The following HS2ST1 variants were observed in gnomAD, a reference collection of about 807,000 sequenced individuals.
HS2ST1 encodes 2-O-sulfotransferase.
In HS2ST1, 18 loss-of-function variants were observed where a neutral mutation model predicts 42.9. The observed-to-expected ratio is 0.42, with a 90% CI of 0.29 to 0.62. HS2ST1 has a LOEUF of 0.62. Ranked by LOEUF, HS2ST1 falls within the 20% of genes least tolerant of loss-of-function variation. HS2ST1 has a pLI of 0.21. For missense variants in HS2ST1, 334 were observed against 433.8 expected (o/e 0.77, Z 2.04); for synonymous variants, 146 against 152.9 (o/e 0.95, Z 0.33).
chr1:86,929,585 A>G (rs1206511475), intron 1 of HS2ST1, among the ~76,000 whole-genome samples: 6 of 151,878 alleles, frequency 4.0e-5, no homozygotes. Flanking sequence ...ATAGATTTAT[A>G]AAATGCAAAT....
At chr1:86,918,665 TA>T (rs895456866) in intron 1 of HS2ST1, among the ~76,000 whole-genome samples, 26 of 152,060 alleles carry the variant, frequency 1.7e-4, no homozygotes, top group African/African-American at 5.1e-4. Flanking sequence ...TTAACAGATT[TA>T]AAAATCTACT....
chr1:86,981,785 G>C (rs577889160), intron 1 of HS2ST1, among the ~76,000 whole-genome samples: 1 of 152,364 alleles, frequency 6.6e-6, no homozygotes, highest in Non-Finnish European at 1.5e-5. Context: ...CAGGTACCCA[G>C]TGCAAGCTAT....
chr1:87,047,642 G>C (rs532280237), intron 1 of HS2ST1, among the ~76,000 whole-genome samples: 1 of 152,248 alleles, frequency 6.6e-6, no homozygotes, highest in Non-Finnish European at 1.5e-5. Flanking sequence ...CTATCCAGTT[G>C]TTCCCATACT....
In HS2ST1 at chr1:87,096,735, G is replaced by C. The variant is rs969936838; in HGVS notation, c.589-1103G>C. On this transcript the variant is annotated intron_variant, in intron 4 of 6. Transcript: ENST00000370550. ...CTTCAAACATTGCCAAATATCACCT[G>C]AGGGTCAGAATAGCTTCCAGCTGAG... Among the ~76,000 whole-genome samples, 10 of 152,288 alleles carry C rather than the reference G, an allele frequency of 6.6e-5. No homozygotes were observed. The South Asian group carries it at 2.1e-3, about 32-fold the overall frequency.
At chr1:86,933,812 G>A (rs1453829312) in intron 1 of HS2ST1, among the ~76,000 whole-genome samples, 1 of 151,710 alleles carries the variant, frequency 6.6e-6, no homozygotes, top group African/African-American at 2.4e-5. Context: ...TAGGAGTTAG[G>A]CTGTGTTTAC....
chr1:87,066,239 G>T (rs567744851), intron 1 of HS2ST1, among the ~76,000 whole-genome samples: 1 of 152,178 alleles, frequency 6.6e-6, no homozygotes, highest in East Asian at 1.9e-4. Context: ...AATCTGACAC[G>T]TGGAAAAGCA....
At chr1:87,030,098 A>T (rs1163301661) in intron 1 of HS2ST1, among the ~76,000 whole-genome samples, 1 of 152,208 alleles carries the variant, frequency 6.6e-6, no homozygotes, top group Non-Finnish European at 1.5e-5. Flanking sequence ...GCTAAAAAAA[A>T]TTACACAGCC....
intron 1 of HS2ST1, among the ~76,000 whole-genome samples, chr1:86,951,539 T>TAA (rs10716207): frequency 3.9e-5 from 6 of 152,024 alleles, no homozygotes; most frequent in South Asian, 4.1e-4. Context: ...ACTTTATTGC[T>TAA]AAAAAAAATG....
chr1:87,052,441 A>C lies in HS2ST1; in HGVS notation c.125-20493A>C, dbSNP rs147732097. 4.6e-3 allele frequency among the ~76,000 whole-genome samples: 705 copies of C among 152,328 alleles called. 4 individuals carry two copies. The highest frequency in any genetic ancestry group is 0.02 in the Middle Eastern group (6 of 294). On this transcript the variant is annotated intron_variant, in intron 1 of 6. Transcript: ENST00000370550. ...GTTCTTGAATTCTTGGTTGTACCCC[A>C]AAAATGGTTTCAGTTTAAAAGGGTG...
Position 87,107,567 on chromosome 1 carries a change from T to G in HS2ST1, c.*2871T>G, listed in dbSNP as rs1652354682. 1 of 151,830 alleles carries G rather than the reference T, an allele frequency of 6.6e-6. No homozygotes were observed. The highest frequency in any genetic ancestry group is 6.6e-5 in the Admixed American group (1 of 15,220). 9.4% of individuals were successfully genotyped at this position (151,830 alleles called of 1,614,324 possible). A position where few individuals can be genotyped will look rare whatever the true frequency, so the allele number is the denominator to read the frequency against. Reference sequence around the variant, plus strand: ...TTTCAGTATTTTGACCATAGGGAGATAATTTTTTTATAATACAAAAGTAAC... The same window carrying G: ...TTTCAGTATTTTGACCATAGGGAGAGAATTTTTTTATAATACAAAAGTAAC... On this transcript the variant is annotated 3_prime_UTR_variant, in exon 7 of 7. Coordinates refer to ENST00000370550, the MANE Select transcript of HS2ST1 (RefSeq NM_012262.4).
intron 1 of HS2ST1, among the ~76,000 whole-genome samples, chr1:86,995,258 A>C (rs2100563965): frequency 6.6e-6 from 1 of 152,318 alleles, no homozygotes; most frequent in East Asian, 1.9e-4. Context: ...AGTCTAATGT[A>C]AGCTATTTAC....
chr1:87,047,654 TTTG>T lies in HS2ST1; in HGVS notation c.125-25276_125-25274del, dbSNP rs1650719770. On this transcript the variant is annotated intron_variant, in intron 1 of 6. Transcript: ENST00000370550. ...TGGCTATCCAGTTGTTCCCATACTA[TTTG>T]TTGAAGAGGTGATCATTTTCTTCAT... Among the ~76,000 whole-genome samples, 5 of 152,206 alleles carry T rather than the reference TTTG, an allele frequency of 3.3e-5. 1 individual carries two copies. In the South Asian group the frequency reaches 1.0e-3, roughly 32 times the overall value.
At chr1:87,065,264 A>G (rs1239724937) in intron 1 of HS2ST1, among the ~76,000 whole-genome samples, 1 of 152,210 alleles carries the variant, frequency 6.6e-6, no homozygotes, top group African/African-American at 2.4e-5. Context: ...GAAAATGCAA[A>G]GGATCCAATT....
intron 1 of HS2ST1, among the ~76,000 whole-genome samples, chr1:86,983,753 T>A (rs1323337991): frequency 6.8e-5 from 10 of 146,814 alleles, no homozygotes; most frequent in Non-Finnish European, 1.1e-4. Context: ...AAAAAAAAAA[T>A]TTGGCAAGGC....
chr1:86,924,085 G>A (rs1660361121), intron 1 of HS2ST1, among the ~76,000 whole-genome samples: 1 of 152,224 alleles, frequency 6.6e-6, no homozygotes, highest in Non-Finnish European at 1.5e-5. Flanking sequence ...GCCATTCCAA[G>A]TGGGAGAAAT....
chr1:86,959,398 C>G (rs1239465264), intron 1 of HS2ST1, among the ~76,000 whole-genome samples: 1 of 152,240 alleles, frequency 6.6e-6, no homozygotes, highest in Non-Finnish European at 1.5e-5. Context: ...TGGCTCACGC[C>G]TGTAATCCCA....
chr1:87,053,472 C>T (rs543692124), intron 1 of HS2ST1, among the ~76,000 whole-genome samples: 1 of 152,076 alleles, frequency 6.6e-6, no homozygotes, highest in Non-Finnish European at 1.5e-5. Context: ...CCAGTATGTG[C>T]ATTAAAAATT....
intron 1 of HS2ST1, among the ~76,000 whole-genome samples, chr1:86,967,524 C>T (rs1254864896): frequency 6.6e-6 from 1 of 152,158 alleles, no homozygotes; most frequent in Non-Finnish European, 1.5e-5. Context: ...AATGTAGCTC[C>T]TACTTATAAG....
intron 1 of HS2ST1, among the ~76,000 whole-genome samples, chr1:86,953,415 C>G (rs1214530064): frequency 6.6e-6 from 1 of 152,202 alleles, no homozygotes; most frequent in Non-Finnish European, 1.5e-5. Flanking sequence ...CTCTTTGGCA[C>G]AAGAGTCCTA....
Sources: allele counts gnomAD v4.1 joint callset (sites outside exome capture counted in the v4.1 genomes callset), GRCh38; gene constraint gnomAD v4.1.1; transcripts MANE v1.5; gene names NCBI Gene and HGNC (gene_info 2026-07-23, HGNC 2026-07-21).